Variants in CPSF4L observed in about 807,000 individuals in gnomAD.
The protein encoded by CPSF4L is putative cleavage and polyadenylation specificity factor subunit 4-like protein.
Under a neutral mutation model 24.0 loss-of-function variants are expected in CPSF4L, and 18 were observed. That is an observed-to-expected ratio of 0.75 (90% CI 0.52 to 1.11). The LOEUF (loss-of-function observed/expected upper bound fraction) is 1.11, where lower values mean the gene tolerates loss of function less well. Among genes scored for constraint, CPSF4L ranks in the 50% least tolerant of loss-of-function variants. The pLI is 0.00. For missense variants in CPSF4L, 211 were observed against 221.8 expected, an observed-to-expected ratio of 0.95 and a Z score of 0.31; for synonymous variants, 72 against 77.2, an observed-to-expected ratio of 0.93 and a Z score of 0.35.
intron 5 of CPSF4L, chr17:73,250,289 G>A (rs2061999698): frequency 1.3e-6 from 2 of 1,550,668 alleles, no homozygotes; most frequent in Non-Finnish European, 1.7e-6. Context: ...CTGGCATAAT[G>A]GCCTGGTCTT....
chr17:73,258,462 C>T (rs569663745), intron 2 of CPSF4L, among the ~76,000 whole-genome samples: 14 of 152,094 alleles, frequency 9.2e-5, no homozygotes, highest in East Asian at 1.9e-4. Context: ...CAACTACACC[C>T]GGCTATTTTT....
At chr17:73,259,123 C>T (rs1240727178) in intron 2 of CPSF4L, among the ~76,000 whole-genome samples, 2 of 151,796 alleles carry the variant, frequency 1.3e-5, no homozygotes, top group African/African-American at 4.8e-5. Context: ...TTACTGTAGC[C>T]TCAACCTCCT....
chr17:73,248,263 A>G (rs1454107462), downstream of CPSF4L: 17 of 515,790 alleles, frequency 3.3e-5, no homozygotes, highest in Admixed American at 3.2e-4. Flanking sequence ...CGAATAGTAG[A>G]CAAGTAAGAC....
chr17:73,245,204 A>G (rs753710624), downstream of CPSF4L: 98 of 1,613,500 alleles, frequency 6.1e-5, no homozygotes, highest in Non-Finnish European at 7.9e-5. Context: ...TGACCTGGAC[A>G]TCACTTAAAG....
At chr17:73,254,332 A>C (rs2062016321) in intron 3 of CPSF4L, among the ~76,000 whole-genome samples, 1 of 152,238 alleles carries the variant, frequency 6.6e-6, no homozygotes, top group South Asian at 2.1e-4. Flanking sequence ...AGGAACAAGG[A>C]GAGCCGAGAA....
At chr17:73,262,055 A>C (rs945493909), upstream of CPSF4L, 7 of 552,992 alleles carry the variant, frequency 1.3e-5, no homozygotes, top group Non-Finnish European at 2.3e-5. Context: ...TCACCCCCAC[A>C]CTGTGTACAC....
In CPSF4L at chr17:73,257,686, T is replaced by C; in HGVS notation, c.302A>G (p.Lys101Arg). 1 of 1,551,312 alleles carries C rather than the reference T, an allele frequency of 6.4e-7. No individual in the cohort carries two copies. The highest frequency in any genetic ancestry group is 8.7e-7 in the Non-Finnish European group (1 of 1,146,882). The part of the protein sequence containing the change: ...TRMPECYFYS[K>R]FGDCSNKECS... ...GAGCCAGGAAGAGGCCTTACCAAACTTGGAGTAGAAGTAGCACTCAGGCAT... is the reference window on the plus strand; with the variant it reads ...GAGCCAGGAAGAGGCCTTACCAAACCTGGAGTAGAAGTAGCACTCAGGCAT... Residue 101 changes from lysine to arginine, a missense_variant, in exon 3 of 6, where the codon AAG becomes AGG. Physicochemically the swap from Lys to Arg is conservative, Grantham distance 26. Transcript: ENST00000344935.
chr17:73,253,566 C>T (rs1301630280), intron 4 of CPSF4L, among the ~76,000 whole-genome samples: 1 of 152,234 alleles, frequency 6.6e-6, no homozygotes, highest in African/African-American at 2.4e-5. Context: ...GCTTAAGCAA[C>T]ACTCAGGACC....
chr17:73,247,566 C>A, downstream of CPSF4L: 1 of 480,000 alleles, frequency 2.1e-6, no homozygotes, highest in South Asian at 2.7e-5. Flanking sequence ...TTAACTTAGT[C>A]ACAGTAAATA....
At chr17:73,251,501 CA>C (rs1441218852) in intron 5 of CPSF4L, among the ~76,000 whole-genome samples, 1 of 152,138 alleles carries the variant, frequency 6.6e-6, no homozygotes, top group Admixed American at 6.6e-5. Context: ...TCATCTAGAC[CA>C]GGGGTCAGCA....
chr17:73,253,583 G>A (rs531098349), intron 4 of CPSF4L, among the ~76,000 whole-genome samples: 118 of 152,332 alleles, frequency 7.7e-4, no homozygotes, highest in Admixed American at 1.8e-3. Flanking sequence ...GACCCCCCAG[G>A]TGGGTAAGTG....
At chr17:73,247,236 T>G (rs374932804), downstream of CPSF4L, 6 of 1,613,538 alleles carry the variant, frequency 3.7e-6, no homozygotes, top group African/African-American at 8.0e-5. Flanking sequence ...ATCTGGCCTT[T>G]ACAGAAAAAT....
chr17:73,263,364 A>G (rs901891634), upstream of CPSF4L, among the ~76,000 whole-genome samples: 2 of 152,140 alleles, frequency 1.3e-5, no homozygotes, highest in African/African-American at 4.8e-5. Flanking sequence ...CCACGTCCCT[A>G]TCCTCAGAGA....
intron 3 of CPSF4L, 71 bp from the exon 4 acceptor site, chr17:73,254,097 G>T (rs2062015501): frequency 1.7e-6 from 2 of 1,210,318 alleles, no homozygotes; most frequent in Non-Finnish European, 2.4e-6. Flanking sequence ...AAACCAGATT[G>T]ACCTTGCCCC....
intron 5 of CPSF4L, chr17:73,250,947 C>T (rs1224741112): frequency 6.7e-7 from 1 of 1,495,812 alleles, no homozygotes; most frequent in Non-Finnish European, 8.9e-7. Context: ...AAGCACTAGC[C>T]CAGCCCTGTG....
At chr17:73,255,363 C>T (rs991832298) in intron 3 of CPSF4L, among the ~76,000 whole-genome samples, 8 of 151,806 alleles carry the variant, frequency 5.3e-5, no homozygotes, top group Non-Finnish European at 7.4e-5. Context: ...AAAAATTAGC[C>T]AGGTATGGTG....
downstream of CPSF4L, among the ~76,000 whole-genome samples, chr17:73,243,574 GC>G (rs1251768433): frequency 6.7e-6 from 1 of 148,664 alleles, no homozygotes; most frequent in Non-Finnish European, 1.5e-5. Flanking sequence ...TCCCACCCAG[GC>G]TAGAGTGCAG....
At chr17:73,250,967 G>C (rs755487547) in intron 5 of CPSF4L, 1 of 1,522,066 alleles carries the variant, frequency 6.6e-7, no homozygotes, top group Admixed American at 2.1e-5. Flanking sequence ...GGGTTCCTTT[G>C]TCCACCCTGT....
chr17:73,257,939 G>A (rs139182759), intron 2 of CPSF4L, 106 bp from the exon 3 acceptor site: 64 of 1,226,368 alleles, frequency 5.2e-5, no homozygotes, highest in African/African-American at 4.2e-4. Flanking sequence ...AGTCCCCAGC[G>A]GCTGTCCCCT....
Sources: gnomAD v4.1 joint callset for allele counts (sites outside exome capture counted in the v4.1 genomes callset) on GRCh38, gnomAD v4.1.1 for gene constraint, MANE v1.5 for transcripts, NCBI Gene and HGNC (gene_info 2026-07-23, HGNC 2026-07-21) for gene names.